OR2L5: variants seen among roughly 807,000 people sequenced by gnomAD.
OR2L5 encodes olfactory receptor family 2 subfamily L member 5, also known as olfactory receptor 2L5.
For missense variants in OR2L5, 413 were observed against 381.6 expected, an observed-to-expected ratio of 1.08 and a Z score of -0.69; for synonymous variants, 169 against 142.0, an observed-to-expected ratio of 1.19 and a Z score of -1.35.
intron 1 of OR2L5, among the ~76,000 whole-genome samples, chr1:248,017,525 C>G (rs1451278589): frequency 6.6e-6 from 1 of 152,184 alleles, no homozygotes; most frequent in African/African-American, 2.4e-5. Flanking sequence ...TAGAAAGAGA[C>G]TTTTTCTTCC....
intron 1 of OR2L5, among the ~76,000 whole-genome samples, 189 bp downstream of exon 1, chr1:248,013,927 G>A (rs182551581): frequency 1.6e-4 from 24 of 152,166 alleles, no homozygotes; most frequent in Admixed American, 2.6e-4. Context: ...TGTTTTTGCC[G>A]CTAATTCATA....
chr1:248,015,249 C>T (rs552399910), intron 1 of OR2L5, among the ~76,000 whole-genome samples: 1 of 152,278 alleles, frequency 6.6e-6, no homozygotes, highest in South Asian at 2.1e-4. Context: ...TTAAACACAA[C>T]ATTATGTACT....
chr1:248,014,059 A>T (rs1353247245), intron 1 of OR2L5, among the ~76,000 whole-genome samples: 1 of 152,134 alleles, frequency 6.6e-6, no homozygotes, highest in Non-Finnish European at 1.5e-5. Context: ...AATAATTATC[A>T]TAGAGGGCAG....
At chr1:248,015,727 C>T (rs1933162) in intron 1 of OR2L5, among the ~76,000 whole-genome samples, 34,377 of 151,972 alleles carry the variant, frequency 0.23, 7,251 homozygotes, top group African/African-American at 0.56. Flanking sequence ...TGATTTCTTA[C>T]AAAACTTCCA....
intron 1 of OR2L5, among the ~76,000 whole-genome samples, chr1:248,021,237 G>T (rs901118390): frequency 2.0e-5 from 3 of 151,948 alleles, no homozygotes; most frequent in Admixed American, 2.0e-4. Flanking sequence ...AAAAAATTTT[G>T]GTTATAAATA....
chr1:248,016,851 C>T (rs540687838), intron 1 of OR2L5, among the ~76,000 whole-genome samples: 1 of 152,128 alleles, frequency 6.6e-6, no homozygotes, highest in African/African-American at 2.4e-5. Flanking sequence ...GAGAAGTTCA[C>T]TTACAACCCC....
chr1:248,018,127 C>T (rs912567282), intron 1 of OR2L5, among the ~76,000 whole-genome samples: 3 of 148,738 alleles, frequency 2.0e-5, no homozygotes, highest in African/African-American at 7.7e-5. Flanking sequence ...TGCACTCCAG[C>T]CTAGGCGACA....
rs191747782 is a variant in OR2L5, at chr1:248,023,628, T to G, written c.*742T>G. 1 of 152,204 alleles carries G rather than the reference T, an allele frequency of 6.6e-6. No homozygotes were observed. The highest frequency in any genetic ancestry group is 1.5e-5 in the Non-Finnish European group (1 of 68,048). The allele number at this position is 152,204 out of a possible 1,614,324, so 9.4% of individuals were successfully genotyped here. On this transcript the variant is annotated 3_prime_UTR_variant, in exon 2 of 2. Transcript: ENST00000355281. Reference sequence around the variant, plus strand: ...CTACTTACTCTTCAAAATCAGCAAGTCTATACATCTTGGATTGGGATCAAC... The same window carrying G: ...CTACTTACTCTTCAAAATCAGCAAGGCTATACATCTTGGATTGGGATCAAC...
In OR2L5 at chr1:248,022,203, T is replaced by C; in HGVS notation, c.256T>C (p.Tyr86His). Reference sequence around the variant, plus strand: ...TCCTAAGATGGCTTCTGATTTTCTGTATGGAAACAAGTCTATCTCCTTCAT... The same window carrying C: ...TCCTAAGATGGCTTCTGATTTTCTGCATGGAAACAAGTCTATCTCCTTCAT... ...IVPKMASDFLYGNKSISFIGC... is the reference protein window; with the variant it reads ...IVPKMASDFLHGNKSISFIGC... The change falls in exon 2 of 2, where the codon TAT becomes CAT. Residue 86 changes from tyrosine (Y) to histidine (H), a missense_variant. Physicochemically the swap from Tyr to His is moderately conservative, Grantham distance 83. Transcript: ENST00000355281. The C allele has an allele frequency of 6.2e-7, 1 of 1,614,138 alleles. No homozygotes were observed. The highest frequency in any genetic ancestry group is 8.5e-7 in the Non-Finnish European group (1 of 1,179,990).
Position 248,023,333 on chromosome 1 carries a change from A to T in OR2L5, c.*447A>T, listed in dbSNP as rs2103080411. ...TATGTGTTCCTCTTTTTGCTAAAGT[A>T]ATGATTTATTAATAAATTTACCTCA... On this transcript the variant is annotated 3_prime_UTR_variant, in exon 2 of 2. Transcript: ENST00000355281. 6.6e-6 allele frequency: 1 copy of T among 152,626 alleles called. No individual in the cohort carries two copies. The highest frequency in any genetic ancestry group is 1.5e-5 in the Non-Finnish European group (1 of 68,300). The allele number at this position is 152,626 out of a possible 1,614,324, so 9.5% of individuals were successfully genotyped here. A position where few individuals can be genotyped will look rare whatever the true frequency, so the allele number is the denominator to read the frequency against.
In OR2L5 at chr1:248,022,842, G is replaced by T; in HGVS notation, c.895G>T (p.Ala299Ser). 1 of 1,612,142 alleles carries T rather than the reference G, an allele frequency of 6.2e-7. No individual in the cohort carries two copies. Among genetic ancestry groups the T allele is most frequent in the Non-Finnish European group, 8.5e-7 (1 of 1,179,194 alleles). Residue 299 changes from alanine (A) to serine (S), a missense_variant, in exon 2 of 2, where the codon GCC (alanine) becomes TCC (serine). By Grantham distance (99) the Ala-to-Ser change is moderately conservative (BLOSUM62 1). Coordinates refer to ENST00000355281, the MANE Select transcript of OR2L5 (RefSeq NM_001258284.2). ...CCTGAGAAACAAGGAGGTGATGGGG[G>T]CCCTGACACGAGTGATTCAGAATAT... Reference protein sequence around the residue: ...YSLRNKEVMGALTRVIQNIFS... With the variant: ...YSLRNKEVMGSLTRVIQNIFS...
At position 248,021,245 on chromosome 1, in the gene OR2L5, A is replaced by G. The variant is rs1049611341; in HGVS notation, c.-21-682A>G. 2.6e-5 allele frequency among the ~76,000 whole-genome samples: 4 copies of G among 152,222 alleles called. 1 individual carries two copies. Among genetic ancestry groups the G allele is most frequent in the Non-Finnish European group, 5.9e-5 (4 of 68,028 alleles). ...TTCTTAGAAAAAATTTTGGTTATAAATATTTGTCTCATCAAATATTAATCT... is the reference window on the plus strand; with the variant it reads ...TTCTTAGAAAAAATTTTGGTTATAAGTATTTGTCTCATCAAATATTAATCT... On this transcript the variant is annotated intron_variant, in intron 1 of 1. Transcript: ENST00000355281.
At chr1:248,015,983 C>T (rs954857162) in intron 1 of OR2L5, among the ~76,000 whole-genome samples, 1 of 152,166 alleles carries the variant, frequency 6.6e-6, no homozygotes. Context: ...TGGTTCCCAA[C>T]TCTATCACTA....
chr1:248,021,845 C>A, intron 1 of OR2L5, 82 bp from the exon 2 acceptor site: 1 of 802,110 alleles, frequency 1.2e-6, no homozygotes, highest in Non-Finnish European at 2.1e-6. Context: ...CAATTTCAGG[C>A]ATTCACTGGA....
chr1:248,016,826 T>C (rs1054490363), intron 1 of OR2L5, among the ~76,000 whole-genome samples: 2 of 152,086 alleles, frequency 1.3e-5, no homozygotes, highest in South Asian at 4.1e-4. Flanking sequence ...CATATGTGTG[T>C]TTGTGTGTGA....
intron 1 of OR2L5, among the ~76,000 whole-genome samples, chr1:248,020,552 A>G (rs1182543911): frequency 1.3e-5 from 2 of 152,160 alleles, no homozygotes; most frequent in Admixed American, 1.3e-4. Flanking sequence ...TCAGATATCT[A>G]TATCTGGGGT....
intron 1 of OR2L5, among the ~76,000 whole-genome samples, chr1:248,017,838 C>T (rs1662235244): frequency 6.6e-6 from 1 of 152,152 alleles, no homozygotes; most frequent in Non-Finnish European, 1.5e-5. Flanking sequence ...GTCATACAAA[C>T]TTGCCTTGTA....
At chr1:248,021,750 C>A (rs969815519) in intron 1 of OR2L5, among the ~76,000 whole-genome samples, 177 bp from the exon 2 acceptor site, 10 of 152,032 alleles carry the variant, frequency 6.6e-5, no homozygotes, top group African/African-American at 2.4e-4. Flanking sequence ...TTGTTAATTT[C>A]TTCCTTGTCT....
rs1662385348 is a variant in OR2L5, at chr1:248,022,961, T to G, written c.*75T>G. ...AGTGTACAGCAGTGAAGAAAAACAT[T>G]ATTACATGCCCAGTATGTCAAACAG... On this transcript the variant is annotated 3_prime_UTR_variant, in exon 2 of 2. Transcript: ENST00000355281. 3 of 1,310,512 alleles carry G rather than the reference T, an allele frequency of 2.3e-6. No homozygotes were observed. The highest frequency in any genetic ancestry group is 2.3e-5 in the East Asian group (1 of 42,950). 81.2% of individuals were successfully genotyped at this position (1,310,512 alleles called of 1,614,324 possible).
Sources: allele counts gnomAD v4.1 joint callset (sites outside exome capture counted in the v4.1 genomes callset), GRCh38; gene constraint gnomAD v4.1.1; transcripts MANE v1.5; gene names NCBI Gene and HGNC (gene_info 2026-07-23, HGNC 2026-07-21).